The following SOX5 variants were observed in gnomAD, a reference collection of about 807,000 sequenced individuals.
SOX5 encodes transcription factor SOX-5.
Under a neutral mutation model 92.0 loss-of-function variants are expected in SOX5, and 9 were observed. The observed-to-expected ratio is 0.10, with a 90% CI of 0.06 to 0.17. The LOEUF is 0.17. Ranked by LOEUF, SOX5 falls within the 10% of genes least tolerant of loss-of-function variation. The probability of loss-of-function intolerance (pLI) is 1.00; values close to 1 mark genes in which losing one functional copy is unlikely to be tolerated. For synonymous variants in SOX5, 344 were observed against 336.3 expected, an observed-to-expected ratio of 1.02 and a Z score of -0.25; for missense variants, 642 against 944.5, an observed-to-expected ratio of 0.68 and a Z score of 4.20.
intron 2 of SOX5, among the ~76,000 whole-genome samples, chr12:24,348,507 C>A (rs912042957): frequency 6.6e-6 from 1 of 151,946 alleles, no homozygotes; most frequent in Admixed American, 6.6e-5. Flanking sequence ...CTCAGCCTCC[C>A]GAATAGCTGG....
intron 1 of SOX5, among the ~76,000 whole-genome samples, chr12:24,506,661 T>C (rs1230282145): frequency 1.3e-5 from 2 of 151,838 alleles, no homozygotes; most frequent in African/African-American, 4.8e-5. Flanking sequence ...ATCCTACTGA[T>C]AAAATCTGCT....
chr12:23,560,869 A>G (rs985036908), intron 11 of SOX5, among the ~76,000 whole-genome samples: 4 of 152,188 alleles, frequency 2.6e-5, no homozygotes, highest in Non-Finnish European at 5.9e-5. Context: ...AGTTTCAATA[A>G]TCTCAATTTC....
At chr12:23,767,372 T>G (rs1249358422) in intron 3 of SOX5, among the ~76,000 whole-genome samples, 2 of 152,088 alleles carry the variant, frequency 1.3e-5, no homozygotes, top group Non-Finnish European at 2.9e-5. Flanking sequence ...CATCTCTGAA[T>G]TGTTGAGAAC....
chr12:24,365,615 A>G (rs1017052504), intron 2 of SOX5, among the ~76,000 whole-genome samples: 1 of 144,870 alleles, frequency 6.9e-6, no homozygotes, highest in Admixed American at 7.2e-5. Flanking sequence ...AAAATCAGCT[A>G]ATCTGCACAA....
At chr12:23,558,624 C>A (rs747048681) in intron 11 of SOX5, among the ~76,000 whole-genome samples, 1 of 67,944 alleles carries the variant, frequency 1.5e-5, no homozygotes, top group African/African-American at 4.4e-5. Flanking sequence ...TTTTTTGAGA[C>A]GGAGTTCCGC....
chr12:24,213,999 A>G (rs1259437095), intron 3 of SOX5, among the ~76,000 whole-genome samples: 1 of 151,890 alleles, frequency 6.6e-6, no homozygotes, highest in Non-Finnish European at 1.5e-5. Context: ...TACTTTACGC[A>G]AAACATTCTA....
intron 9 of SOX5, among the ~76,000 whole-genome samples, chr12:23,586,966 C>A (rs891171882): frequency 6.6e-6 from 1 of 151,032 alleles, no homozygotes; most frequent in Non-Finnish European, 1.5e-5. Flanking sequence ...CTTCTCCCTA[C>A]ACCAAAAGAA....
At chr12:23,636,700 G>A (rs1416045932) in intron 8 of SOX5, among the ~76,000 whole-genome samples, 1 of 152,118 alleles carries the variant, frequency 6.6e-6, no homozygotes, top group Non-Finnish European at 1.5e-5. Context: ...TATGAATCCT[G>A]CTACTTCTTT....
intron 3 of SOX5, among the ~76,000 whole-genome samples, chr12:23,764,629 A>G (rs1341478041): frequency 2.6e-5 from 4 of 152,080 alleles, no homozygotes; most frequent in Non-Finnish European, 5.9e-5. Context: ...GAATTCACAT[A>G]ATCACTTTGT....
intron 3 of SOX5, among the ~76,000 whole-genome samples, chr12:23,813,405 A>G (rs1227655411): frequency 6.6e-6 from 1 of 152,138 alleles, no homozygotes; most frequent in Non-Finnish European, 1.5e-5. Context: ...GCTCAGGGAC[A>G]CCCAGAGAAG....
chr12:24,132,463 A>G (rs1293379511), intron 4 of SOX5, among the ~76,000 whole-genome samples: 1 of 152,186 alleles, frequency 6.6e-6, no homozygotes, highest in East Asian at 1.9e-4. Flanking sequence ...ATCCTGTGCT[A>G]TTAGTTATTA....
intron 6 of SOX5, among the ~76,000 whole-genome samples, chr12:23,702,828 A>G (rs1307512672): frequency 6.6e-6 from 1 of 152,032 alleles, no homozygotes; most frequent in African/African-American, 2.4e-5. Context: ...TAAAGTGGCC[A>G]TATAGTTTAG....
At chr12:24,178,512 C>T (rs976160879) in intron 4 of SOX5, among the ~76,000 whole-genome samples, 16 of 152,134 alleles carry the variant, frequency 1.1e-4, no homozygotes, top group Admixed American at 9.2e-4. Context: ...CCAGAAAATA[C>T]ACTTTTTCAA....
intron 1 of SOX5, among the ~76,000 whole-genome samples, chr12:24,558,690 G>T (rs1277368092): frequency 6.6e-6 from 1 of 152,114 alleles, no homozygotes; most frequent in Non-Finnish European, 1.5e-5. Flanking sequence ...TTAAGATCTT[G>T]AAATTACTTC....
chr12:24,182,374 A>G (rs895943370), intron 4 of SOX5, among the ~76,000 whole-genome samples: 5 of 152,256 alleles, frequency 3.3e-5, no homozygotes, highest in Non-Finnish European at 7.3e-5. Context: ...TACACGAAGG[A>G]CCAACAGCAT....
intron 1 of SOX5, among the ~76,000 whole-genome samples, chr12:24,399,882 C>T (rs960403024): frequency 6.6e-6 from 1 of 152,128 alleles, no homozygotes; most frequent in Non-Finnish European, 1.5e-5. Flanking sequence ...AGGTATAGTA[C>T]ATTTCTCCAT....
At chr12:23,649,762 A>C in intron 7 of SOX5, among the ~76,000 whole-genome samples, 1 of 152,140 alleles carries the variant, frequency 6.6e-6, no homozygotes, top group Non-Finnish European at 1.5e-5. Flanking sequence ...GTGCATATTT[A>C]GATATTAATT....
At chr12:23,602,090 G>T (rs914738006) in intron 9 of SOX5, among the ~76,000 whole-genome samples, 3 of 151,896 alleles carry the variant, frequency 2.0e-5, no homozygotes, top group Non-Finnish European at 4.4e-5. Context: ...ATTCATAAAG[G>T]CTCACTTTCA....
At chr12:23,921,173 A>C (rs1427162650) in intron 1 of SOX5, among the ~76,000 whole-genome samples, 1 of 152,166 alleles carries the variant, frequency 6.6e-6, no homozygotes, top group African/African-American at 2.4e-5. Context: ...AAGCCTAATA[A>C]AGAAGTACAA....
Sources: gnomAD v4.1 joint callset for allele counts (sites outside exome capture counted in the v4.1 genomes callset) on GRCh38, gnomAD v4.1.1 for gene constraint, MANE v1.5 for transcripts, NCBI Gene and HGNC (gene_info 2026-07-23, HGNC 2026-07-21) for gene names.